TFAP4: variants seen among roughly 807,000 people sequenced by gnomAD.
TFAP4 encodes activating enhancer-binding protein 4.
In TFAP4, 7 loss-of-function variants were observed where a neutral mutation model predicts 40.4. The ratio of observed to expected loss-of-function variants is 0.17; its 90% CI spans 0.10 to 0.33. The LOEUF is 0.33. Ranked by LOEUF, TFAP4 falls within the 10% of genes least tolerant of loss-of-function variation. The probability of loss-of-function intolerance (pLI) is 1.00; values close to 1 mark genes in which losing one functional copy is unlikely to be tolerated. For synonymous variants in TFAP4, 218 were observed against 181.4 expected (o/e 1.20, Z -1.62); for missense variants, 374 against 451.1 (o/e 0.83, Z 1.55).
In TFAP4 at chr16:4,272,840, AG is replaced by A; in HGVS notation, c.-95del. The A allele has an allele frequency of 1.1e-6, 1 of 923,234 alleles. No homozygotes were observed. The highest frequency in any genetic ancestry group is 1.4e-6 in the Non-Finnish European group (1 of 702,020). 57.2% of individuals were successfully genotyped at this position (923,234 alleles called of 1,614,324 possible). A position where few individuals can be genotyped will look rare whatever the true frequency, so the allele number is the denominator to read the frequency against. On this transcript the variant is annotated 5_prime_UTR_variant, in exon 1 of 7. Coordinates refer to ENST00000204517, the MANE Select transcript of TFAP4 (RefSeq NM_003223.3). ...CGAATCAAAGGGCAGCGCCGGACGG[AG>A]GTGCAGAATCGGCCGGTCCCAGATG...
chr16:4,272,547 G>A (rs1306351096), intron 1 of TFAP4, 111 bp downstream of exon 1: 9 of 723,408 alleles, frequency 1.2e-5, no homozygotes, highest in African/African-American at 1.9e-5. Context: ...GCTAAGAAAG[G>A]CTAGCGGGGT....
chr16:4,259,980 C>A (rs2052930729), intron 6 of TFAP4, 110 bp downstream of exon 6: 6 of 1,384,528 alleles, frequency 4.3e-6, no homozygotes, highest in Non-Finnish European at 4.8e-6. Context: ...CACCCCTTCC[C>A]ACACAAGCAC....
At chr16:4,265,806 T>A (rs1258201347) in intron 1 of TFAP4, 1 of 152,060 alleles carries the variant, frequency 6.6e-6, no homozygotes, top group Non-Finnish European at 1.5e-5. Flanking sequence ...CAAGGTCAAG[T>A]AGCCAGACCT....
chr16:4,264,505 C>T (rs561196970), intron 1 of TFAP4: 1 of 152,460 alleles, frequency 6.6e-6, no homozygotes, highest in South Asian at 2.1e-4. Flanking sequence ...GGGTACAAGT[C>T]TCTTACAGGG....
At chr16:4,268,257 C>T (rs2053013395) in intron 1 of TFAP4, among the ~76,000 whole-genome samples, 1 of 152,164 alleles carries the variant, frequency 6.6e-6, no homozygotes, top group African/African-American at 2.4e-5. Flanking sequence ...TGGTGAAACC[C>T]CCTCTCTACT....
At position 4,260,226 on chromosome 16, in the gene TFAP4, G is replaced by A; in HGVS notation, c.686C>T (p.Pro229Leu). Reference protein sequence around the residue: ...LRTQLLPPPAPTHHPTVIVPA... With the variant: ...LRTQLLPPPALTHHPTVIVPA... ...CACGATCACCGTGGGGTGGTGGGTG[G>A]GGGCCGGAGGGGGCAGAAGCTGCAA... The change falls in exon 6 of 7, where the codon CCC becomes CTC. Residue 229 changes from proline to leucine, a missense_variant. Coordinates refer to ENST00000204517, the MANE Select transcript of TFAP4 (RefSeq NM_003223.3). 6.5e-7 allele frequency: 1 copy of A among 1,549,192 alleles called. No homozygotes were observed. The highest frequency in any genetic ancestry group is 2.0e-5 in the Admixed American group (1 of 49,612).
chr16:4,262,272 G>A, intron 3 of TFAP4, 52 bp downstream of exon 3: 1 of 1,587,620 alleles, frequency 6.3e-7, no homozygotes, highest in Non-Finnish European at 8.6e-7. Flanking sequence ...CCATGGCTGG[G>A]TCCAAGGCAT....
At chr16:4,270,552 A>G (rs761086337) in intron 1 of TFAP4, among the ~76,000 whole-genome samples, 3 of 152,174 alleles carry the variant, frequency 2.0e-5, no homozygotes, top group Admixed American at 6.5e-5. Context: ...CTCCATGCCT[A>G]ATGCACAGCT....
chr16:4,270,663 G>A (rs180887421), intron 1 of TFAP4, among the ~76,000 whole-genome samples: 46 of 152,348 alleles, frequency 3.0e-4, no homozygotes, highest in Admixed American at 2.5e-3. Context: ...CTGGGGGACT[G>A]CTGGTATGCT....
rs1341372316 is a variant in TFAP4 at position 4,258,457 on chromosome 16, A to C, written c.823-208T>G. Reference sequence around the variant, plus strand: ...GAGACAAGCTCTCGCTATATCACCCAGGCTAGAGTGCAGTGGCATGATCAT... The same window carrying C: ...GAGACAAGCTCTCGCTATATCACCCCGGCTAGAGTGCAGTGGCATGATCAT... On this transcript the variant is annotated intron_variant, in intron 6 of 6. Transcript: ENST00000204517. The C allele has an allele frequency of 7.6e-6, 4 of 529,468 alleles. No individual in the cohort carries two copies. The African/African-American group carries it at 7.8e-5, about 10-fold the overall frequency. 32.8% of individuals were successfully genotyped at this position (529,468 alleles called of 1,614,324 possible).
intron 1 of TFAP4, 73 bp downstream of exon 1, chr16:4,272,585 C>A (rs1170855720): frequency 2.6e-5 from 33 of 1,248,794 alleles, no homozygotes; most frequent in Non-Finnish European, 1.5e-5. Context: ...CGTGCGCACA[C>A]GCGCGCCCGC....
At position 4,259,973 on chromosome 16, in the gene TFAP4, C is replaced by T. The variant is rs1234784320; in HGVS notation, c.822+117G>A. Reference sequence around the variant, plus strand: ...CCCCCCAAGGCTTCCAGCCCTCCACCCCTTCCCACACAAGCACCATCTTCC... The same window carrying T: ...CCCCCCAAGGCTTCCAGCCCTCCACTCCTTCCCACACAAGCACCATCTTCC... On this transcript the variant is annotated intron_variant, in intron 6 of 6. Transcript: ENST00000204517. 6 of 1,345,336 alleles carry T rather than the reference C, an allele frequency of 4.5e-6. No individual in the cohort carries two copies. The African/African-American group carries it at 6.0e-5, about 14-fold the overall frequency. 83.3% of individuals were successfully genotyped at this position (1,345,336 alleles called of 1,614,324 possible).
Position 4,258,193 on chromosome 16 carries a change from C to T in TFAP4, c.879G>A (p.Arg293=). The change falls in exon 7 of 7, where the codon CGG becomes CGA. Residue 293 remains arginine, a synonymous_variant. Transcript: ENST00000204517. ...QEKQELEEEQ[R]RAVIVKPVRS... The stretch of plus-strand genomic sequence containing the variant: ...GGACAGGCTTCACGATGACAGCTCG[C>T]CGCTGCTCCTCCTCCAGCTCCTGCT... The T allele has an allele frequency of 6.2e-7, 1 of 1,611,572 alleles. No homozygotes were observed. The highest frequency in any genetic ancestry group is 8.5e-7 in the Non-Finnish European group (1 of 1,178,102).
At chr16:4,269,777 T>C (rs1040611947) in intron 1 of TFAP4, among the ~76,000 whole-genome samples, 2 of 151,236 alleles carry the variant, frequency 1.3e-5, no homozygotes, top group Non-Finnish European at 1.5e-5. Flanking sequence ...GCCACTGCAC[T>C]CCAGCCTGTG....
At chr16:4,258,412 C>T (rs1873642496) in intron 6 of TFAP4, 163 bp from the exon 7 acceptor site, 1 of 618,630 alleles carries the variant, frequency 1.6e-6, no homozygotes, top group Non-Finnish European at 2.7e-6. Flanking sequence ...GAAAAACAAA[C>T]TCCTTTTACT....
At position 4,258,262 on chromosome 16, in the gene TFAP4, G is replaced by A. The variant is rs754803891; in HGVS notation, c.823-13C>T. ...TGTGCTGGATTGCCTGGACAGGGAC[G>A]AACCACTGAGAAGGCTCGGCCGGGG... On this transcript the variant is annotated splice_polypyrimidine_tract_variant and intron_variant, in intron 6 of 6. Coordinates refer to ENST00000204517, the MANE Select transcript of TFAP4 (RefSeq NM_003223.3). 2 of 1,556,554 alleles carry A rather than the reference G, an allele frequency of 1.3e-6. No homozygotes were observed. Among genetic ancestry groups the A allele is most frequent in the Admixed American group, 3.8e-5 (2 of 52,824 alleles).
chr16:4,260,333 T>G (rs2052935600), intron 5 of TFAP4, 88 bp from the exon 6 acceptor site: 1 of 1,506,378 alleles, frequency 6.6e-7, no homozygotes, highest in Non-Finnish European at 8.8e-7. Flanking sequence ...AATGTATAAC[T>G]GCCTCTGCCC....
chr16:4,258,123 C>A lies in TFAP4; in HGVS notation c.949G>T (p.Glu317Ter). Residue 317 changes from glutamate (E) to a stop codon, truncating the protein, a stop_gained, in exon 7 of 7, where the codon GAG (glutamate) becomes TAG (stop). Transcript: ENST00000204517. LOFTEE classifies it high-confidence loss of function. The stretch of plus-strand genomic sequence containing the variant: ...TCCATGGCGTCACTGTCTGAGGCCT[C>A]GGAGTCGGAGGCGGTGTCAGAGGTG... ...APTSDTASDS[E>*]ASDSDAMDQS... The A allele has an allele frequency of 6.2e-7, 1 of 1,613,758 alleles. No individual in the cohort carries two copies. Among genetic ancestry groups the A allele is most frequent in the Non-Finnish European group, 8.5e-7 (1 of 1,179,918 alleles).
In TFAP4 at chr16:4,272,650, G is replaced by T. The variant is rs1421922104; in HGVS notation, c.89+8C>A. On this transcript the variant is annotated splice_region_variant and intron_variant, in intron 1 of 6. Coordinates refer to ENST00000204517, the MANE Select transcript of TFAP4 (RefSeq NM_003223.3). ...TAGGAAGGGGGTGGGGGGAGGAGGA[G>T]TACACACCTACAGAGCCCTCCTATC... The T allele has an allele frequency of 1.9e-6, 3 of 1,607,902 alleles. No individual in the cohort carries two copies. Among genetic ancestry groups the T allele is most frequent in the Non-Finnish European group, 2.5e-6 (3 of 1,176,534 alleles).
Sources: allele counts gnomAD v4.1 joint callset (sites outside exome capture counted in the v4.1 genomes callset), GRCh38; gene constraint gnomAD v4.1.1; transcripts MANE v1.5; gene names NCBI Gene and HGNC (gene_info 2026-07-23, HGNC 2026-07-21).